Variants in TENM2 observed in about 807,000 individuals in gnomAD.
The protein encoded by TENM2 is teneurin transmembrane protein 2.
TENM2 carries 52 observed loss-of-function variants against 245.2 expected under a neutral mutation model. The ratio of observed to expected loss-of-function variants is 0.21; its 90% CI spans 0.17 to 0.27. The LOEUF is 0.27. TENM2 is among the 10% of genes least tolerant of loss of function. The pLI is 1.00. For missense variants in TENM2, 3,046 were observed against 3,666.8 expected (o/e 0.83, Z 4.37); for synonymous variants, 1,363 against 1,438.9 (o/e 0.95, Z 1.19).
chr5:168,262,126 A>C lies in TENM2; in HGVS notation c.7641A>C (p.Lys2547Asn), dbSNP rs1319043365. 4 of 1,614,032 alleles carry C rather than the reference A, an allele frequency of 2.5e-6. No homozygotes were observed. In the African/African-American group the frequency reaches 4.0e-5, roughly 16 times the overall value. Residue 2547 changes from lysine (K) to asparagine (N), a missense_variant, in exon 29 of 29, where the codon AAA (lysine) becomes AAC (asparagine). Transcript: ENST00000518659. ...CTCTGGAAGGACAGGTCATTACTAA[A>C]AAGCTCCACGCCAGCATCCGAGAGA...
At chr5:167,722,009 TAA>T (rs1406635607) in intron 2 of TENM2, among the ~76,000 whole-genome samples, 1 of 152,136 alleles carries the variant, frequency 6.6e-6, no homozygotes, top group Non-Finnish European at 1.5e-5. Flanking sequence ...GCTGTAGAAA[TAA>T]ACCTCCCAAA....
chr5:166,982,122 C>G, the TENM2 span, among the ~76,000 whole-genome samples: 1 of 152,004 alleles, frequency 6.6e-6, no homozygotes, highest in Non-Finnish European at 1.5e-5. Flanking sequence ...TTCAACTGGT[C>G]TTCTTGTTAA....
chr5:167,207,062 T>G, the TENM2 span, among the ~76,000 whole-genome samples: 3 of 151,810 alleles, frequency 2.0e-5, no homozygotes. Context: ...AAGGAAATGG[T>G]TTTTGAGATT....
At position 167,330,514 on chromosome 5, in the gene TENM2, A is replaced by T. The variant is rs183924488; in HGVS notation, c.227-44684A>T. Among the ~76,000 whole-genome samples the T allele has an allele frequency of 1.2e-3, 185 of 152,174 alleles. 2 individuals are homozygous for T. Among genetic ancestry groups the T allele is most frequent in the African/African-American group, 4.1e-3 (170 of 41,544 alleles). On this transcript the variant is annotated intron_variant, in intron 1 of 28. Coordinates refer to ENST00000518659, the Ensembl canonical transcript of TENM2. ...GCTTTCAAAAGGCAGAGTGAGAACG[A>T]GCTGTTTTCACAGAGAGTAGTCTCT...
the TENM2 span, among the ~76,000 whole-genome samples, chr5:167,196,500 G>GTGTATA: frequency 0.032 from 4,720 of 149,000 alleles, 301 homozygotes; most frequent in African/African-American, 0.11. Context: ...ATATATATGT[G>GTGTATA]TATATATATG....
chr5:167,767,279 A>T (rs762604271), intron 2 of TENM2, among the ~76,000 whole-genome samples: 2 of 152,338 alleles, frequency 1.3e-5, no homozygotes, highest in East Asian at 3.9e-4. Flanking sequence ...TATTATGCCA[A>T]TTGAAAAAAC....
chr5:167,887,732 C>G (rs73803262), intron 3 of TENM2, among the ~76,000 whole-genome samples: 1 of 152,168 alleles, frequency 6.6e-6, no homozygotes, highest in African/African-American at 2.4e-5. Context: ...GGAATGCATG[C>G]GCTTAGTGTA....
At chr5:167,951,188 G>C (rs1405507769) in intron 3 of TENM2, among the ~76,000 whole-genome samples, 1 of 152,186 alleles carries the variant, frequency 6.6e-6, no homozygotes, top group East Asian at 1.9e-4. Flanking sequence ...ATGTAGCCCG[G>C]CCACATAAGG....
intron 4 of TENM2, among the ~76,000 whole-genome samples, chr5:167,966,137 A>G (rs926036611): frequency 2.6e-5 from 4 of 152,216 alleles, no homozygotes; most frequent in African/African-American, 9.6e-5. Context: ...GGCAACCCGG[A>G]TGGTAAATCT....
exon 17 of TENM2, chr5:168,200,014 G>A (rs767687593): frequency 6.2e-7 from 1 of 1,613,920 alleles, no homozygotes; most frequent in Non-Finnish European, 8.5e-7. Flanking sequence ...GATGGTGGCT[G>A]TCGAGGGGCA....
chr5:167,643,433 A>T (rs531561942), intron 2 of TENM2, among the ~76,000 whole-genome samples: 1 of 152,290 alleles, frequency 6.6e-6, no homozygotes, highest in Non-Finnish European at 1.5e-5. Flanking sequence ...TGGTTTAAAC[A>T]TGATGTAGCC....
At chr5:167,482,776 C>G (rs1361128716) in intron 2 of TENM2, among the ~76,000 whole-genome samples, 1 of 152,194 alleles carries the variant, frequency 6.6e-6, no homozygotes, top group Non-Finnish European at 1.5e-5. Context: ...TAGAACCTCT[C>G]TCATAGGGCA....
In TENM2 at chr5:167,464,936, T is replaced by C. The variant is rs1766548599; in HGVS notation, c.502+89463T>C. Among the ~76,000 whole-genome samples the C allele has an allele frequency of 2.0e-5, 3 of 152,366 alleles. No individual in the cohort carries two copies. The South Asian group carries it at 6.2e-4, about 32-fold the overall frequency. On this transcript the variant is annotated intron_variant, in intron 2 of 28. Transcript: ENST00000518659. ...TGAGATAATCAGCATGCATAGTATGTACAGTTAAATCTAACTTATGGTCCA... is the reference window on the plus strand; with the variant it reads ...TGAGATAATCAGCATGCATAGTATGCACAGTTAAATCTAACTTATGGTCCA...
intron 15 of TENM2, among the ~76,000 whole-genome samples, chr5:168,197,129 A>G (rs1761503583): frequency 6.6e-6 from 1 of 152,214 alleles, no homozygotes; most frequent in African/African-American, 2.4e-5. Context: ...TACTCTATGC[A>G]GAACTATCCC....
chr5:167,284,650 C>T (rs1418457121), upstream of TENM2: 3 of 591,346 alleles, frequency 5.1e-6, no homozygotes, highest in Non-Finnish European at 9.0e-6. Context: ...AGAGATTGTG[C>T]AGGGCTGACC....
chr5:167,477,264 T>TCAAAAAAAAAAAAAAAATAAA (rs1767446133), intron 2 of TENM2, among the ~76,000 whole-genome samples: 1 of 140,490 alleles, frequency 7.1e-6, no homozygotes. Flanking sequence ...TGAATAATAG[T>TCAAAAAAAAAAAAAAAATAAA]AAAAAAAAAA....
chr5:167,953,173 T>C (rs919140983), intron 4 of TENM2, among the ~76,000 whole-genome samples: 2 of 152,228 alleles, frequency 1.3e-5, no homozygotes, highest in African/African-American at 4.8e-5. Context: ...GCATTTGGCC[T>C]TTCTTGAAGT....
At chr5:168,127,179 C>A (rs1795914605) in intron 12 of TENM2, among the ~76,000 whole-genome samples, 1 of 152,140 alleles carries the variant, frequency 6.6e-6, no homozygotes, top group South Asian at 2.1e-4. Context: ...GGGACCAGAG[C>A]AGATAAGAAA....
At chr5:168,115,420 G>A (rs1221487024) in intron 9 of TENM2, among the ~76,000 whole-genome samples, 1 of 137,618 alleles carries the variant, frequency 7.3e-6, no homozygotes, top group African/African-American at 2.8e-5. Flanking sequence ...GAAAGGAAAG[G>A]AAGGAAAGAA....
Sources: gnomAD v4.1 joint callset for allele counts (sites outside exome capture counted in the v4.1 genomes callset) on GRCh38, gnomAD v4.1.1 for gene constraint, MANE v1.5 for transcripts, NCBI Gene and HGNC (gene_info 2026-07-23, HGNC 2026-07-21) for gene names.